The following NIBAN2 variants were observed in gnomAD, a reference collection of about 807,000 sequenced individuals.
The protein encoded by NIBAN2 is niban apoptosis regulator 2, also known as protein Niban 2.
Under a neutral mutation model 81.8 loss-of-function variants are expected in NIBAN2, and 36 were observed. That is an observed-to-expected ratio of 0.44 (90% confidence interval 0.34 to 0.58). The LOEUF (loss-of-function observed/expected upper bound fraction) is 0.58. Among genes scored for constraint, NIBAN2 ranks in the 20% least tolerant of loss-of-function variants. NIBAN2 has a pLI of 0.02. For missense variants in NIBAN2, 897 were observed against 1,014.1 expected (o/e 0.88, Z 1.57); for synonymous variants, 445 against 441.6 (o/e 1.01, Z -0.10).
chr9:127,572,913 T>C (rs1171887700), upstream of NIBAN2, among the ~76,000 whole-genome samples: 1 of 151,914 alleles, frequency 6.6e-6, no homozygotes, highest in Non-Finnish European at 1.5e-5. Context: ...CTGGGCCTGG[T>C]GGTGCATGCT....
Position 127,549,747 on chromosome 9 carries a change from T to C in NIBAN2, c.56-17969A>G, listed in dbSNP as rs556139283. On this transcript the variant is annotated intron_variant, in intron 1 of 13. Transcript: ENST00000373312. ...CCAGATTGGAATGCCAGGGACCCTTTACATGGATAGAAGGAAAGTTTATTC... is the reference window on the plus strand; with the variant it reads ...CCAGATTGGAATGCCAGGGACCCTTCACATGGATAGAAGGAAAGTTTATTC... 3.3e-3 allele frequency among the ~76,000 whole-genome samples: 504 copies of C among 152,284 alleles called. 4 individuals are homozygous for C. Among genetic ancestry groups the C allele is most frequent in the African/African-American group, 0.012 (481 of 41,550 alleles).
intron 2 of NIBAN2, among the ~76,000 whole-genome samples, chr9:127,529,381 G>C (rs545937421): frequency 6.6e-6 from 1 of 152,252 alleles, no homozygotes. Flanking sequence ...GCTCACGCCC[G>C]TAATCCCAGC....
intron 1 of NIBAN2, among the ~76,000 whole-genome samples, chr9:127,552,447 C>T (rs907263922): frequency 6.6e-6 from 1 of 151,928 alleles, no homozygotes; most frequent in African/African-American, 2.4e-5. Context: ...CATGGTGGCA[C>T]AAGCCTGTAG....
At chr9:127,547,800 G>A (rs1837500676) in intron 1 of NIBAN2, among the ~76,000 whole-genome samples, 1 of 152,096 alleles carries the variant, frequency 6.6e-6, no homozygotes, top group Non-Finnish European at 1.5e-5. Context: ...TCGCACCATT[G>A]CACTCCAGCC....
chr9:127,569,295 G>T (rs1370637946), upstream of NIBAN2, among the ~76,000 whole-genome samples: 1 of 150,274 alleles, frequency 6.7e-6, no homozygotes, highest in Non-Finnish European at 1.5e-5. Flanking sequence ...TGCCTCCGGC[G>T]GGCGGGGCAC....
At chr9:127,521,500 G>A (rs1836940650) in intron 5 of NIBAN2, among the ~76,000 whole-genome samples, 1 of 152,144 alleles carries the variant, frequency 6.6e-6, no homozygotes, top group South Asian at 2.1e-4. Flanking sequence ...TGCAGGATGT[G>A]AAGGGGTCCC....
At chr9:127,542,663 CT>C (rs1014179858) in intron 1 of NIBAN2, among the ~76,000 whole-genome samples, 9 of 152,208 alleles carry the variant, frequency 5.9e-5, no homozygotes, top group African/African-American at 2.2e-4. Context: ...ATTTCCCCCC[CT>C]GCTGGCCTCA....
chr9:127,561,750 C>T (rs1361548788), intron 1 of NIBAN2, among the ~76,000 whole-genome samples: 1 of 152,230 alleles, frequency 6.6e-6, no homozygotes, highest in Non-Finnish European at 1.5e-5. Flanking sequence ...TCCTGTTCTT[C>T]CAGTTTTAAA....
At chr9:127,542,345 C>T (rs1469147628) in intron 1 of NIBAN2, among the ~76,000 whole-genome samples, 5 of 152,214 alleles carry the variant, frequency 3.3e-5, no homozygotes, top group African/African-American at 1.2e-4. Context: ...CCACCGCTGG[C>T]CTCCTGGTGG....
Position 127,505,461 on chromosome 9 carries a change from G to C in NIBAN2, c.*1384C>G, listed in dbSNP as rs983918388. 2 of 152,692 alleles carry C rather than the reference G, an allele frequency of 1.3e-5. No homozygotes were observed. Among genetic ancestry groups the C allele is most frequent in the Non-Finnish European group, 2.9e-5 (2 of 68,076 alleles). The allele number at this position is 152,692 out of a possible 1,614,324, so 9.5% of individuals were successfully genotyped here. A position where few individuals can be genotyped will look rare whatever the true frequency, so the allele number is the denominator to read the frequency against. The stretch of plus-strand genomic sequence containing the variant: ...AAGGCACTAGAGGCGCAGATCTTCG[G>C]GACAAGAGGGAAGAGATGCGCCAGA... On this transcript the variant is annotated 3_prime_UTR_variant, in exon 14 of 14. Transcript: ENST00000373312.
chr9:127,507,358 G>A lies in NIBAN2; in HGVS notation c.1728C>T (p.Pro576=), dbSNP rs1836628483. ...CGCCCTCGGCCAGCAGGTGCAGGTT[G>A]GGGTCGCTGTTGTGCATGACCATGC... The part of the protein sequence containing the change: ...RDSMVMHNSD[P]NLHLLAEGAP... The change falls in exon 14 of 14, where the codon CCC becomes CCT. Residue 576 remains proline, a synonymous_variant. Transcript: ENST00000373312. The surrounding 1 kb of genome is among the most constrained non-coding windows in gnomAD (Gnocchi z 6.8). 1 of 1,539,632 alleles carries A rather than the reference G, an allele frequency of 6.5e-7. No homozygotes were observed. The highest frequency in any genetic ancestry group is 8.8e-7 in the Non-Finnish European group (1 of 1,141,182).
chr9:127,575,783 G>T (rs1177172462), intron 1 of NIBAN2, among the ~76,000 whole-genome samples: 2 of 151,428 alleles, frequency 1.3e-5, no homozygotes, highest in Non-Finnish European at 2.9e-5. Context: ...GCCCGCCTTG[G>T]CTCCCACAGT....
chr9:127,560,167 A>G (rs1042484321), intron 1 of NIBAN2, among the ~76,000 whole-genome samples: 3 of 152,134 alleles, frequency 2.0e-5, no homozygotes, highest in Non-Finnish European at 4.4e-5. Flanking sequence ...GAGGAGTGGG[A>G]GCAGAGGCTG....
At chr9:127,569,921 AC>A (rs1361978613), upstream of NIBAN2, among the ~76,000 whole-genome samples, 1 of 152,180 alleles carries the variant, frequency 6.6e-6, no homozygotes, top group East Asian at 1.9e-4. Context: ...ACCGACAGGC[AC>A]CAGCCTATGG....
At chr9:127,572,282 G>A (rs1013495283), upstream of NIBAN2, among the ~76,000 whole-genome samples, 2 of 152,154 alleles carry the variant, frequency 1.3e-5, no homozygotes, top group Non-Finnish European at 2.9e-5. Context: ...CCAGAGTGCT[G>A]GGATTACAGG....
At chr9:127,578,190 CAA>C (rs35548393) in intron 1 of NIBAN2, among the ~76,000 whole-genome samples, 35 of 110,134 alleles carry the variant, frequency 3.2e-4, no homozygotes, top group African/African-American at 3.4e-4. Context: ...GACTCCATCT[CAA>C]AAAAAAAAAA....
chr9:127,536,902 C>T lies in NIBAN2; in HGVS notation c.56-5124G>A, dbSNP rs979829456. On this transcript the variant is annotated intron_variant, in intron 1 of 13. Coordinates refer to ENST00000373312, the MANE Select transcript of NIBAN2 (RefSeq NM_022833.4). This position sits in a 1 kb window ranked among gnomAD's most constrained non-coding sequence, Gnocchi z 4.0. The stretch of plus-strand genomic sequence containing the variant: ...CCCATCTACAGAGGCAGGGCTGGCC[C>T]GCAGGTCCTGGGCCCAGGAACTGGG... Among the ~76,000 whole-genome samples, 4 of 152,208 alleles carry T rather than the reference C, an allele frequency of 2.6e-5. No individual in the cohort carries two copies. The highest frequency in any genetic ancestry group is 2.6e-4 in the Admixed American group (4 of 15,282).
At chr9:127,564,740 G>A (rs1034781790) in intron 1 of NIBAN2, among the ~76,000 whole-genome samples, 1 of 151,958 alleles carries the variant, frequency 6.6e-6, no homozygotes, top group East Asian at 1.9e-4. Context: ...GGGCATGGTG[G>A]TGCACGCCTG....
intron 1 of NIBAN2, among the ~76,000 whole-genome samples, chr9:127,577,833 A>G (rs908760816): frequency 2.0e-5 from 3 of 152,024 alleles, no homozygotes; most frequent in African/African-American, 7.2e-5. Context: ...CTCCCGACCC[A>G]GCCTCCTGAG....
Sources: gnomAD v4.1 joint callset for allele counts (sites outside exome capture counted in the v4.1 genomes callset) on GRCh38, gnomAD v4.1.1 for gene constraint, Gnocchi (gnomAD v3.1) non-coding constraint, MANE v1.5 for transcripts, NCBI Gene and HGNC (gene_info 2026-07-23, HGNC 2026-07-21) for gene names.